The following NHS variants were observed in gnomAD, a reference collection of about 807,000 sequenced individuals.
NHS encodes actin remodeling regulator NHS.
A neutral mutation model predicts 72.5 loss-of-function variants in NHS; 5 were observed. The ratio of observed to expected loss-of-function variants is 0.07; its 90% CI spans 0.04 to 0.14. The LOEUF is 0.14. NHS is among the 10% of genes least tolerant of loss of function. The probability of loss-of-function intolerance (pLI) is 1.00; values close to 1 mark genes in which losing one functional copy is unlikely to be tolerated. For synonymous variants in NHS, 464 were observed against 547.7 expected, an observed-to-expected ratio of 0.85 and a Z score of 2.13; for missense variants, 1,072 against 1,355.7, an observed-to-expected ratio of 0.79 and a Z score of 3.29.
At chrX:17,489,362 G>A (rs2064980391) in intron 1 of NHS, among the ~76,000 whole-genome samples, 2 of 112,239 alleles carry the variant, frequency 1.8e-5, no homozygotes, top group Admixed American at 1.9e-4. Flanking sequence ...TTAAGGAATC[G>A]CCACACTGAC....
chrX:17,683,090 A>G (rs2066139336), intron 1 of NHS, among the ~76,000 whole-genome samples: 1 of 112,131 alleles, frequency 8.9e-6, no homozygotes, highest in African/African-American at 3.2e-5. Context: ...TGACAATTCC[A>G]TTATCTCCAG....
At chrX:17,650,419 T>C in intron 1 of NHS, among the ~76,000 whole-genome samples, 1 of 112,785 alleles carries the variant, frequency 8.9e-6, no homozygotes. Flanking sequence ...ATTTTATAGA[T>C]GAAGAAACAG....
intron 1 of NHS, among the ~76,000 whole-genome samples, chrX:17,388,927 G>A (rs1236615572): frequency 9.1e-6 from 1 of 109,614 alleles, no homozygotes; most frequent in Non-Finnish European, 1.9e-5. Flanking sequence ...TTTCATGTCT[G>A]GGGCTAGGCA....
At chrX:17,419,702 G>A (rs768756532) in intron 1 of NHS, among the ~76,000 whole-genome samples, 38 of 111,300 alleles carry the variant, frequency 3.4e-4, no homozygotes, top group Non-Finnish European at 6.6e-4. Context: ...AGTCATGGCC[G>A]TGAATCGCCC....
chrX:17,425,235 C>T (rs995940832), intron 1 of NHS, among the ~76,000 whole-genome samples: 16 of 111,263 alleles, frequency 1.4e-4, no homozygotes, highest in Admixed American at 4.8e-4. Flanking sequence ...GATCCACGTC[C>T]GGTGAGCGTA....
At chrX:17,619,523 G>T (rs1253699100) in intron 1 of NHS, among the ~76,000 whole-genome samples, 1 of 112,249 alleles carries the variant, frequency 8.9e-6, no homozygotes, top group East Asian at 2.8e-4. Flanking sequence ...TCTGTAATTT[G>T]CACTGAACAG....
rs745830411 is a variant in NHS at position 17,735,489 on chromosome X, T to C, written c.*3025T>C. The C allele has an allele frequency of 8.9e-6, 1 of 112,596 alleles. No homozygotes were observed. Among genetic ancestry groups the C allele is most frequent in the Non-Finnish European group, 1.9e-5 (1 of 53,213 alleles). 9.3% of individuals were successfully genotyped at this position (112,596 alleles called of 1,213,427 possible). On this transcript the variant is annotated 3_prime_UTR_variant, in exon 9 of 9. Coordinates refer to ENST00000676302, the MANE Select transcript of NHS (RefSeq NM_001291867.2). The stretch of plus-strand genomic sequence containing the variant: ...TCATTTTTTAAAAATTCTACTTTGG[T>C]TTTGTTGTTGTTTTGATTTGTTTTT...
chrX:17,509,708 C>T (rs760346756), intron 1 of NHS, among the ~76,000 whole-genome samples: 17 of 112,431 alleles, frequency 1.5e-4, no homozygotes, highest in African/African-American at 5.5e-4. Context: ...CAAGGTCACA[C>T]AGCTTAAAGG....
At position 17,429,239 on chromosome X, in the gene NHS, T is replaced by TGTGTGC. The variant is rs1555987943; in HGVS notation, c.565+52922_565+52923insCGTGTG. 1.2e-3 allele frequency among the ~76,000 whole-genome samples: 124 copies of TGTGTGC among 107,565 alleles called. 1 individual carries two copies. The highest frequency in any genetic ancestry group is 4.2e-3 in the African/African-American group (115 of 27,105). 93.4% of individuals were successfully genotyped at this position (107,565 alleles called of 115,157 possible). ...GTACTGGGGGATGTGTGTGTGTGTG[T>TGTGTGC]GTGTGTGTGTGTGTGTGTGCACACG... On this transcript the variant is annotated intron_variant, in intron 1 of 8. Coordinates refer to ENST00000676302, the MANE Select transcript of NHS (RefSeq NM_001291867.2).
chrX:17,694,857 C>G (rs1262392995), intron 3 of NHS, among the ~76,000 whole-genome samples: 1 of 111,850 alleles, frequency 8.9e-6, no homozygotes, highest in African/African-American at 3.3e-5. Flanking sequence ...GTTTAAATCC[C>G]AGCACTACAA....
intron 1 of NHS, among the ~76,000 whole-genome samples, chrX:17,641,195 A>G (rs1448670067): frequency 8.9e-6 from 1 of 111,820 alleles, no homozygotes; most frequent in Non-Finnish European, 1.9e-5. Flanking sequence ...CAATGACCAC[A>G]TTAACAAGGT....
chrX:17,474,594 C>G (rs1420406534), intron 1 of NHS, among the ~76,000 whole-genome samples: 1 of 111,874 alleles, frequency 8.9e-6, no homozygotes, highest in Non-Finnish European at 1.9e-5. Context: ...GCTGTGGAAG[C>G]AAGCTGGTCC....
chrX:17,674,362 G>T (rs1357894109), intron 1 of NHS, among the ~76,000 whole-genome samples: 1 of 112,423 alleles, frequency 8.9e-6, no homozygotes, highest in Non-Finnish European at 1.9e-5. Flanking sequence ...TCATTTATCT[G>T]GCTTGAGCGA....
At chrX:17,634,266 G>T (rs746293190) in intron 1 of NHS, among the ~76,000 whole-genome samples, 2 of 112,283 alleles carry the variant, frequency 1.8e-5, no homozygotes. Flanking sequence ...AAATGAAGTC[G>T]CCCATTCTGG....
intron 1 of NHS, among the ~76,000 whole-genome samples, chrX:17,575,159 A>G (rs1003777477): frequency 1.4e-4 from 16 of 112,365 alleles, no homozygotes; most frequent in Non-Finnish European, 3.0e-4. Context: ...TTCTGCACAC[A>G]ACCATCAAAG....
chrX:17,424,096 G>T (rs1333372335), intron 1 of NHS, among the ~76,000 whole-genome samples: 1 of 112,581 alleles, frequency 8.9e-6, no homozygotes, highest in Non-Finnish European at 1.9e-5. Flanking sequence ...GTGGAGGGAG[G>T]AAGTGGTGTC....
At chrX:17,428,854 G>C (rs947227554) in intron 1 of NHS, among the ~76,000 whole-genome samples, 1 of 111,085 alleles carries the variant, frequency 9.0e-6, no homozygotes, top group Admixed American at 9.6e-5. Context: ...CTCTCTCTGT[G>C]TGTGTGTGTT....
intron 1 of NHS, among the ~76,000 whole-genome samples, chrX:17,409,252 C>G (rs1395700358): frequency 8.9e-6 from 1 of 112,121 alleles, no homozygotes; most frequent in East Asian, 2.8e-4. Context: ...CTAGACTATT[C>G]ATGTTAAAAA....
chrX:17,687,633 G>A (rs1298953282), intron 1 of NHS, 109 bp from the exon 2 acceptor site: 1 of 905,718 alleles, frequency 1.1e-6, no homozygotes, highest in Admixed American at 2.2e-5. Context: ...CAGTAGTCTG[G>A]ACTTCCACTC....
Sources: gnomAD v4.1 joint callset for allele counts (sites outside exome capture counted in the v4.1 genomes callset) on GRCh38, gnomAD v4.1.1 for gene constraint, MANE v1.5 for transcripts, NCBI Gene and HGNC (gene_info 2026-07-23, HGNC 2026-07-21) for gene names.